Variants in SHROOM2 observed in about 807,000 individuals in gnomAD.
SHROOM2 encodes shroom family member 2.
In SHROOM2, 33 loss-of-function variants were observed where a neutral mutation model predicts 75.9. The observed-to-expected ratio is 0.43, with a 90% CI of 0.33 to 0.58. The LOEUF (loss-of-function observed/expected upper bound fraction) is 0.58, where lower values mean the gene tolerates loss of function less well. Ranked by LOEUF, SHROOM2 falls within the 20% of genes least tolerant of loss-of-function variation. SHROOM2 has a pLI of 0.04. For missense variants in SHROOM2, 1,434 were observed against 1,461.2 expected (o/e 0.98, Z 0.30); for synonymous variants, 655 against 663.6 (o/e 0.99, Z 0.20).
intron 1 of SHROOM2, 62 bp downstream of exon 1, chrX:9,786,772 C>A: frequency 1.2e-6 from 1 of 806,519 alleles, no homozygotes; most frequent in South Asian, 6.7e-5. Flanking sequence ...CGGGGCGCGT[C>A]GAGGTAGGGG....
chrX:9,857,668 T>C (rs145722841), intron 1 of SHROOM2, among the ~76,000 whole-genome samples: 1,856 of 111,562 alleles, frequency 0.017, 41 homozygotes, highest in African/African-American at 0.055. Flanking sequence ...GGATTATAGG[T>C]GTGAGTCACT....
intron 1 of SHROOM2, among the ~76,000 whole-genome samples, chrX:9,863,180 C>A (rs1355128899): frequency 9.0e-6 from 1 of 111,538 alleles, no homozygotes. Flanking sequence ...CATTCCACCC[C>A]TGCCCGTTTC....
intron 1 of SHROOM2, among the ~76,000 whole-genome samples, chrX:9,792,341 A>C (rs1475809188): frequency 9.0e-6 from 1 of 110,806 alleles, no homozygotes; most frequent in Non-Finnish European, 1.9e-5. Context: ...CATTAAAAAG[A>C]AAAAATTGGA....
At chrX:9,804,339 A>G (rs1034485216) in intron 1 of SHROOM2, among the ~76,000 whole-genome samples, 2 of 112,150 alleles carry the variant, frequency 1.8e-5, no homozygotes, top group Non-Finnish European at 3.8e-5. Flanking sequence ...GCTTGGATGC[A>G]ACGGTCTACA....
chrX:9,843,524 G>A (rs1178313389), intron 1 of SHROOM2, among the ~76,000 whole-genome samples: 1 of 110,377 alleles, frequency 9.1e-6, no homozygotes, highest in Non-Finnish European at 1.9e-5. Context: ...TCAGCCTCCT[G>A]AGCAGCTGGG....
At chrX:9,813,257 A>G (rs184742378) in intron 1 of SHROOM2, among the ~76,000 whole-genome samples, 1 of 111,433 alleles carries the variant, frequency 9.0e-6, no homozygotes, top group African/African-American at 3.3e-5. Context: ...GAGTATGTCT[A>G]TGCCAATTAT....
chrX:9,793,094 G>T (rs1005078337), intron 1 of SHROOM2, among the ~76,000 whole-genome samples: 1 of 111,357 alleles, frequency 9.0e-6, no homozygotes, highest in African/African-American at 3.3e-5. Context: ...TTCTTCAAGG[G>T]TGCTTATATG....
At chrX:9,946,165 T>G (rs2084817050) in intron 9 of SHROOM2, among the ~76,000 whole-genome samples, 1 of 113,087 alleles carries the variant, frequency 8.8e-6, no homozygotes, top group Non-Finnish European at 1.9e-5. Flanking sequence ...CTTCCTTGTG[T>G]GCAGATATGC....
intron 6 of SHROOM2, among the ~76,000 whole-genome samples, chrX:9,936,364 G>A (rs1383139790): frequency 3.6e-5 from 4 of 110,638 alleles, no homozygotes; most frequent in African/African-American, 6.6e-5. Context: ...CACCCGCCTC[G>A]GCCTTCCAAA....
intron 1 of SHROOM2, among the ~76,000 whole-genome samples, chrX:9,864,785 A>T (rs945347163): frequency 1.9e-4 from 21 of 107,999 alleles, no homozygotes; most frequent in Admixed American, 2.0e-4. Context: ...AGATCCCGCC[A>T]CTGCACTCCA....
intron 5 of SHROOM2, among the ~76,000 whole-genome samples, chrX:9,901,794 G>C (rs189874082): frequency 8.9e-6 from 1 of 112,179 alleles, no homozygotes; most frequent in Non-Finnish European, 1.9e-5. Flanking sequence ...ACTATTCCTT[G>C]CTGTCTGCTG....
intron 5 of SHROOM2, among the ~76,000 whole-genome samples, chrX:9,915,868 G>T (rs1169410860): frequency 8.9e-6 from 1 of 112,013 alleles, no homozygotes; most frequent in Admixed American, 9.5e-5. Flanking sequence ...TCCACAGTTT[G>T]GGGTCACGTG....
rs7882731 is a variant in SHROOM2, at chrX:9,944,955, C to T, written c.4584+42C>T. ...CTGACTTGGAAATGGGGGGTGGTCT[C>T]GTGGGAAGGCTGTTTTTCAAGTGTC... is the stretch of plus-strand genomic sequence containing the variant. On this transcript the variant is annotated intron_variant, in intron 9 of 9. Transcript: ENST00000380913. 1.8e-3 allele frequency: 2,023 copies of T among 1,141,959 alleles called. 22 individuals carry two copies. The African/African-American group carries it at 0.032, about 18-fold the overall frequency. The allele number at this position is 1,141,959 out of a possible 1,213,427, so 94.1% of individuals were successfully genotyped here.
rs777214080 is a variant in SHROOM2, at chrX:9,886,058, T to C, written c.318-4919T>C. 3.5e-5 allele frequency among the ~76,000 whole-genome samples: 4 copies of C among 112,687 alleles called. No individual in the cohort carries two copies. The Admixed American group carries it at 3.7e-4, about 11-fold the overall frequency. On this transcript the variant is annotated intron_variant, in intron 2 of 9. Transcript: ENST00000380913. ...CTTTTTAAAAAGCAGCTTCTGGGTT[T>C]GTTTTCATTTTTTCATTGCCTCATA...
At chrX:9,807,162 A>G (rs2083758178) in intron 1 of SHROOM2, among the ~76,000 whole-genome samples, 1 of 111,863 alleles carries the variant, frequency 8.9e-6, no homozygotes, top group African/African-American at 3.2e-5. Context: ...TGCCTCGAGT[A>G]TGTCTGAGCC....
At chrX:9,862,271 AGTGGCCACTCCCTCCAGGGCTGGGG>A (rs2084108720) in intron 1 of SHROOM2, among the ~76,000 whole-genome samples, 2 of 111,097 alleles carry the variant, frequency 1.8e-5, no homozygotes, top group Non-Finnish European at 3.8e-5. Flanking sequence ...AGATAGAGGG[AGTGGCCACTCCCTCCAGGGCTGGGG>A]CACAGAGTAC....
chrX:9,837,945 C>T (rs1473206165), intron 1 of SHROOM2, among the ~76,000 whole-genome samples: 1 of 111,073 alleles, frequency 9.0e-6, no homozygotes, highest in African/African-American at 3.3e-5. Context: ...ATCGGGGTCA[C>T]CATTAGTCAG....
intron 7 of SHROOM2, among the ~76,000 whole-genome samples, chrX:9,938,856 G>A (rs1039883133): frequency 5.4e-5 from 6 of 111,713 alleles, no homozygotes; most frequent in Non-Finnish European, 9.4e-5. Flanking sequence ...TGTAGATAGC[G>A]TCACACATGT....
intron 2 of SHROOM2, among the ~76,000 whole-genome samples, chrX:9,890,438 C>T (rs774682973): frequency 1.8e-5 from 2 of 113,450 alleles, no homozygotes; most frequent in Non-Finnish European, 3.7e-5. Flanking sequence ...TGCGTTAGGG[C>T]AAATGGGTGG....
Sources: gnomAD v4.1 joint callset for allele counts (sites outside exome capture counted in the v4.1 genomes callset) on GRCh38, gnomAD v4.1.1 for gene constraint, MANE v1.5 for transcripts, NCBI Gene and HGNC (gene_info 2026-07-23, HGNC 2026-07-21) for gene names.